Variants in NDRG3 observed in about 807,000 individuals in gnomAD.
NDRG3 encodes protein NDRG3.
In NDRG3, 23 loss-of-function variants were observed where a neutral mutation model predicts 57.2. The ratio of observed to expected loss-of-function variants is 0.40; its 90% CI spans 0.29 to 0.57. The LOEUF is 0.57. Ranked by LOEUF, NDRG3 falls within the 20% of genes least tolerant of loss-of-function variation. The pLI is 0.42. For missense variants in NDRG3, 384 were observed against 457.3 expected, an observed-to-expected ratio of 0.84 and a Z score of 1.46; for synonymous variants, 132 against 162.6, an observed-to-expected ratio of 0.81 and a Z score of 1.43.
rs375202148 is a variant in NDRG3, at chr20:36,658,317, A to G, written c.859-1785T>C. Among the ~76,000 whole-genome samples the G allele has an allele frequency of 4.6e-5, 7 of 152,144 alleles. No individual in the cohort carries two copies. The South Asian group carries it at 8.3e-4, about 18-fold the overall frequency. On this transcript the variant is annotated intron_variant, in intron 13 of 15. Transcript: ENST00000349004. ...CGGCTAATTTTTGTATTTTTAGTAG[A>G]GATGAGGTTTCATCATGTTGGGCAG... is the stretch of plus-strand genomic sequence containing the variant.
rs1312854343 is a variant in NDRG3 at position 36,684,467 on chromosome 20, T to G, written c.329A>C (p.Tyr110Ser). 5 of 1,613,464 alleles carry G rather than the reference T, an allele frequency of 3.1e-6. No homozygotes were observed. The highest frequency in any genetic ancestry group is 4.2e-6 in the Non-Finnish European group (5 of 1,179,602). Residue 110 changes from tyrosine (Y) to serine (S), a missense_variant, in exon 6 of 16, where the codon TAC becomes TCC. Physicochemically the swap from Tyr to Ser is moderately radical, Grantham distance 144. Transcript: ENST00000349004. ...TTCAGCCAGCTCATCCATTGTGGGG[T>G]ACTGATACCTGCAATCCAGAAGGAT... The part of the protein sequence containing the change: ...GAPSFPTGYQ[Y>S]PTMDELAEML...
intron 3 of NDRG3, among the ~76,000 whole-genome samples, chr20:36,689,012 T>C (rs1467642428): frequency 6.6e-6 from 1 of 151,946 alleles, no homozygotes; most frequent in African/African-American, 2.4e-5. Context: ...CTGGCCAACA[T>C]GATGAAACCC....
intron 1 of NDRG3, among the ~76,000 whole-genome samples, chr20:36,735,292 C>T (rs149543273): frequency 4.7e-4 from 71 of 152,296 alleles, no homozygotes; most frequent in Non-Finnish European, 6.6e-4. Flanking sequence ...GACGCTCAGA[C>T]TAAATGCTCA....
At chr20:36,685,125 C>T (rs1375927477) in intron 5 of NDRG3, among the ~76,000 whole-genome samples, 1 of 152,058 alleles carries the variant, frequency 6.6e-6, no homozygotes, top group African/African-American at 2.4e-5. Flanking sequence ...CAGTAAACCT[C>T]CGGCAGTAAG....
intron 1 of NDRG3, among the ~76,000 whole-genome samples, chr20:36,740,340 C>G (rs1039388460): frequency 6.6e-6 from 1 of 152,158 alleles, no homozygotes; most frequent in Non-Finnish European, 1.5e-5. Flanking sequence ...AGTTGGCCAT[C>G]AACAACAATT....
chr20:36,684,900 A>G (rs965796447), intron 5 of NDRG3, among the ~76,000 whole-genome samples: 2 of 152,164 alleles, frequency 1.3e-5, no homozygotes, highest in African/African-American at 4.8e-5. Flanking sequence ...CCAAAGGCTC[A>G]AAGGAGGTGA....
At chr20:36,699,709 T>C (rs1256043351) in intron 3 of NDRG3, among the ~76,000 whole-genome samples, 1 of 151,922 alleles carries the variant, frequency 6.6e-6, no homozygotes, top group South Asian at 2.1e-4. Flanking sequence ...TGTGTGTGTG[T>C]GTGTGGGTAC....
At chr20:36,715,438 T>G in intron 2 of NDRG3, among the ~76,000 whole-genome samples, 1 of 151,938 alleles carries the variant, frequency 6.6e-6, no homozygotes, top group East Asian at 1.9e-4. Context: ...TTCATGAATA[T>G]TCTTTGATGA....
At chr20:36,693,246 A>T (rs1020705565) in intron 3 of NDRG3, among the ~76,000 whole-genome samples, 1 of 145,892 alleles carries the variant, frequency 6.9e-6, no homozygotes, top group Non-Finnish European at 1.5e-5. Context: ...GTGTGTATAT[A>T]TATATTCTAA....
chr20:36,732,804 C>T (rs1482356560), intron 1 of NDRG3, among the ~76,000 whole-genome samples: 1 of 152,044 alleles, frequency 6.6e-6, no homozygotes, highest in Non-Finnish European at 1.5e-5. Flanking sequence ...TCTCATTCTG[C>T]ACTGTGTCCA....
chr20:36,676,071 T>C (rs1268108232), intron 8 of NDRG3, among the ~76,000 whole-genome samples: 1 of 151,736 alleles, frequency 6.6e-6, no homozygotes, highest in Non-Finnish European at 1.5e-5. Flanking sequence ...AAACCCCGTC[T>C]CTACTATAAA....
intron 2 of NDRG3, among the ~76,000 whole-genome samples, chr20:36,720,082 G>A (rs1277676636): frequency 1.3e-5 from 2 of 151,020 alleles, no homozygotes; most frequent in Non-Finnish European, 3.0e-5. Flanking sequence ...ACTCCAGCCT[G>A]GGTGACAGAG....
chr20:36,728,343 C>T (rs563564880), intron 1 of NDRG3, among the ~76,000 whole-genome samples: 104 of 152,282 alleles, frequency 6.8e-4, no homozygotes, highest in African/African-American at 2.4e-3. Context: ...TGAGCCACTG[C>T]GCCCAGCCAG....
At chr20:36,727,409 G>A (rs192390086) in intron 1 of NDRG3, among the ~76,000 whole-genome samples, 29 of 151,604 alleles carry the variant, frequency 1.9e-4, no homozygotes, top group East Asian at 1.4e-3. Context: ...TAGTAGAGAC[G>A]GGGTTTCACC....
intron 13 of NDRG3, among the ~76,000 whole-genome samples, chr20:36,659,873 A>G (rs1262990880): frequency 6.6e-6 from 1 of 151,418 alleles, no homozygotes; most frequent in Non-Finnish European, 1.5e-5. Flanking sequence ...TGCTGAGATT[A>G]CAGGTGTGAG....
At chr20:36,745,514 T>C (rs1986142410) in intron 1 of NDRG3, among the ~76,000 whole-genome samples, 1 of 152,168 alleles carries the variant, frequency 6.6e-6, no homozygotes. Context: ...CGTGCCTCAG[T>C]TTCCTCGGCT....
At chr20:36,733,282 T>C (rs560519548) in intron 1 of NDRG3, among the ~76,000 whole-genome samples, 76 of 150,372 alleles carry the variant, frequency 5.1e-4, no homozygotes, top group African/African-American at 1.8e-3. Context: ...AACTGCAAGC[T>C]GTCTTGTTTT....
At chr20:36,710,058 G>A (rs1983775836) in intron 2 of NDRG3, among the ~76,000 whole-genome samples, 1 of 152,208 alleles carries the variant, frequency 6.6e-6, no homozygotes, top group Non-Finnish European at 1.5e-5. Flanking sequence ...AGTGGCTCAT[G>A]CCTATAATCC....
chr20:36,665,745 C>T (rs1390799118), intron 10 of NDRG3, among the ~76,000 whole-genome samples: 1 of 152,094 alleles, frequency 6.6e-6, no homozygotes, highest in Non-Finnish European at 1.5e-5. Context: ...ATTACAGGCG[C>T]CCGCCACTAC....
Sources: allele counts gnomAD v4.1 joint callset (sites outside exome capture counted in the v4.1 genomes callset), GRCh38; gene constraint gnomAD v4.1.1; transcripts MANE v1.5; gene names NCBI Gene and HGNC (gene_info 2026-07-23, HGNC 2026-07-21).